GNAL: variants seen among roughly 807,000 people sequenced by gnomAD.
The protein encoded by GNAL is G protein subunit alpha L, also known as guanine nucleotide-binding protein G(olf) subunit alpha.
Under a neutral mutation model 55.1 loss-of-function variants are expected in GNAL, and 18 were observed. The observed-to-expected ratio is 0.33, with a 90% CI of 0.23 to 0.48. GNAL has a LOEUF of 0.48. GNAL is among the 20% of genes least tolerant of loss of function. The pLI, the probability that GNAL is intolerant of heterozygous loss-of-function variation, is 0.99. For synonymous variants in GNAL, 253 were observed against 237.0 expected (o/e 1.07, Z -0.62); for missense variants, 412 against 614.1 (o/e 0.67, Z 3.48).
chr18:11,719,795 C>T (rs2032052270), intron 1 of GNAL, among the ~76,000 whole-genome samples: 1 of 152,220 alleles, frequency 6.6e-6, no homozygotes, highest in Admixed American at 6.5e-5. Context: ...TGCAGAGCTG[C>T]GCTCACACCA....
intron 4 of GNAL, among the ~76,000 whole-genome samples, chr18:11,762,561 C>T (rs1014449508): frequency 5.3e-5 from 8 of 152,084 alleles, no homozygotes; most frequent in African/African-American, 9.7e-5. Flanking sequence ...TTGAATGGGA[C>T]GGGCTTAGAG....
chr18:11,870,802 C>T (rs1265636559), intron 9 of GNAL, among the ~76,000 whole-genome samples: 1 of 152,050 alleles, frequency 6.6e-6, no homozygotes, highest in Non-Finnish European at 1.5e-5. Context: ...CATAAGTTTA[C>T]CTTATAAAAG....
At chr18:11,801,660 G>A (rs182316680) in intron 4 of GNAL, among the ~76,000 whole-genome samples, 13 of 152,276 alleles carry the variant, frequency 8.5e-5, no homozygotes, top group African/African-American at 3.1e-4. Flanking sequence ...GGTGAGAGGT[G>A]CGGATGGTTG....
At chr18:11,694,393 G>A (rs1301191240) in intron 1 of GNAL, among the ~76,000 whole-genome samples, 1 of 152,156 alleles carries the variant, frequency 6.6e-6, no homozygotes, top group Non-Finnish European at 1.5e-5. Context: ...TGCACAGGAC[G>A]TAGCACCCCA....
At chr18:11,851,291 C>A in intron 5 of GNAL, 1 of 530,976 alleles carries the variant, frequency 1.9e-6, no homozygotes, top group South Asian at 3.0e-5. Context: ...GCATGCGCAG[C>A]CCCTGGCGTC....
At chr18:11,774,221 G>A (rs143660709) in intron 4 of GNAL, among the ~76,000 whole-genome samples, 3 of 152,304 alleles carry the variant, frequency 2.0e-5, no homozygotes, top group Admixed American at 6.5e-5. Flanking sequence ...GCACGTCTTG[G>A]TGTGGCCGAA....
chr18:11,815,625 A>G (rs915708721), intron 4 of GNAL, among the ~76,000 whole-genome samples: 1 of 152,200 alleles, frequency 6.6e-6, no homozygotes, highest in Non-Finnish European at 1.5e-5. Context: ...ACAATTCAAC[A>G]TGAGATTTAG....
At position 11,710,118 on chromosome 18, in the gene GNAL, G is replaced by C. The variant is rs148326724; in HGVS notation, c.376+20179G>C. ...GTATATCACATTAATTGATTTACAC[G>C]TGTTGAATCATCCTTGCGTTTCAGG... On this transcript the variant is annotated intron_variant, in intron 1 of 11. Transcript: ENST00000334049. 3.9e-3 allele frequency among the ~76,000 whole-genome samples: 600 copies of C among 152,182 alleles called. 2 individuals carry two copies. Among genetic ancestry groups the C allele is most frequent in the African/African-American group, 0.014 (579 of 41,526 alleles).
chr18:11,758,775 G>A (rs2033145370), intron 4 of GNAL, among the ~76,000 whole-genome samples: 1 of 152,202 alleles, frequency 6.6e-6, no homozygotes, highest in African/African-American at 2.4e-5. Context: ...TTGGCACTAT[G>A]TCTTAGCAGC....
intron 4 of GNAL, among the ~76,000 whole-genome samples, chr18:11,811,127 C>T (rs2143568840): frequency 6.6e-6 from 1 of 152,262 alleles, no homozygotes; most frequent in Admixed American, 6.5e-5. Flanking sequence ...CCACATTTCC[C>T]AAAAGCCACA....
At chr18:11,778,630 A>C (rs918623286) in intron 4 of GNAL, among the ~76,000 whole-genome samples, 3 of 152,200 alleles carry the variant, frequency 2.0e-5, no homozygotes, top group Non-Finnish European at 2.9e-5. Context: ...CTGAAGGCCC[A>C]TGCAGGCTCT....
intron 1 of GNAL, among the ~76,000 whole-genome samples, chr18:11,741,748 G>A (rs2032580888): frequency 6.6e-6 from 1 of 152,178 alleles, no homozygotes; most frequent in Admixed American, 6.5e-5. Context: ...TATAATTGCA[G>A]TAAATGTGTC....
chr18:11,808,575 T>G (rs1283152513), intron 4 of GNAL, among the ~76,000 whole-genome samples: 1 of 152,224 alleles, frequency 6.6e-6, no homozygotes, highest in East Asian at 1.9e-4. Context: ...AGTGACTAAT[T>G]CCAACTAGAA....
chr18:11,749,455 G>A (rs1221305790), intron 1 of GNAL, among the ~76,000 whole-genome samples: 1 of 152,194 alleles, frequency 6.6e-6, no homozygotes, highest in Non-Finnish European at 1.5e-5. Flanking sequence ...AAATTCCTTT[G>A]ATGAGAATTC....
Position 11,752,122 on chromosome 18 carries a change from G to T in GNAL, c.377-731G>T. 1 of 202,524 alleles carries T rather than the reference G, an allele frequency of 4.9e-6. No individual in the cohort carries two copies. The highest frequency in any genetic ancestry group is 1.2e-4 in the South Asian group (1 of 8,074). The allele number at this position is 202,524 out of a possible 1,614,324, so 12.5% of individuals were successfully genotyped here. ...CTGCGCCACCTCGGCTGTCTCCAGC[G>T]GAGACCGGCGCCCTCGCCCCCCGTC... On this transcript the variant is annotated intron_variant, in intron 1 of 11. Coordinates refer to ENST00000334049, the MANE Select transcript of GNAL (RefSeq NM_182978.4). The surrounding 1 kb of genome is among the most constrained non-coding windows in gnomAD (Gnocchi z 4.5).
intron 5 of GNAL, among the ~76,000 whole-genome samples, chr18:11,829,900 C>T (rs1474411514): frequency 6.6e-6 from 1 of 152,160 alleles, no homozygotes; most frequent in Non-Finnish European, 1.5e-5. Flanking sequence ...ATTCCAGCTA[C>T]TCAGGAAGCT....
At chr18:11,833,044 ATT>A (rs113418617) in intron 5 of GNAL, among the ~76,000 whole-genome samples, 2 of 144,778 alleles carry the variant, frequency 1.4e-5, no homozygotes, top group African/African-American at 5.0e-5. Flanking sequence ...TTATTTTCAG[ATT>A]TTTTTTTTTT....
intron 4 of GNAL, among the ~76,000 whole-genome samples, chr18:11,818,707 C>T (rs1219422054): frequency 6.6e-6 from 1 of 152,172 alleles, no homozygotes; most frequent in Non-Finnish European, 1.5e-5. Flanking sequence ...CGTGCCGGGA[C>T]GCACCCTGAA....
At chr18:11,863,035 C>T (rs2036183852) in intron 6 of GNAL, among the ~76,000 whole-genome samples, 2 of 152,102 alleles carry the variant, frequency 1.3e-5, no homozygotes, top group South Asian at 2.1e-4. Flanking sequence ...CTTGCCACCT[C>T]GCCCAGCTAA....
Sources: gnomAD v4.1 joint callset for allele counts (sites outside exome capture counted in the v4.1 genomes callset) on GRCh38, gnomAD v4.1.1 for gene constraint, Gnocchi (gnomAD v3.1) non-coding constraint, MANE v1.5 for transcripts, NCBI Gene and HGNC (gene_info 2026-07-23, HGNC 2026-07-21) for gene names.